The following LUZP2 variants were observed in gnomAD, a reference collection of about 807,000 sequenced individuals.
LUZP2 encodes the protein leucine zipper protein 2.
A neutral mutation model predicts 51.6 loss-of-function variants in LUZP2; 52 were observed. The observed-to-expected ratio is 1.01, with a 90% CI of 0.81 to 1.27. The LOEUF is 1.27. LUZP2 is among the 50% of genes most tolerant of loss of function. The pLI, the probability that LUZP2 is intolerant of heterozygous loss-of-function variation, is 0.00. For synonymous variants in LUZP2, 154 were observed against 137.3 expected (o/e 1.12, Z -0.85); for missense variants, 436 against 395.4 (o/e 1.10, Z -0.87).
At chr11:24,503,081 A>T (rs1850049712) in intron 1 of LUZP2, among the ~76,000 whole-genome samples, 1 of 152,208 alleles carries the variant, frequency 6.6e-6, no homozygotes, top group Admixed American at 6.5e-5. Flanking sequence ...AGGCAGCCCA[A>T]CCATTGTAGT....
At chr11:24,600,174 AACACACACACACACACACACACAC>A (rs61439379) in intron 1 of LUZP2, among the ~76,000 whole-genome samples, 3 of 144,162 alleles carry the variant, frequency 2.1e-5, no homozygotes, top group South Asian at 2.3e-4. Flanking sequence ...TGTAGATTAC[AACACACACACACACACACACACAC>A]ACACACACAC....
chr11:24,577,370 C>T (rs971859137), intron 1 of LUZP2, among the ~76,000 whole-genome samples: 3 of 151,880 alleles, frequency 2.0e-5, no homozygotes, highest in Non-Finnish European at 4.4e-5. Flanking sequence ...TTCAAGGCTG[C>T]GGAATCAGAC....
chr11:24,529,883 T>C (rs1315102858), intron 1 of LUZP2, among the ~76,000 whole-genome samples: 1 of 150,938 alleles, frequency 6.6e-6, no homozygotes, highest in East Asian at 1.9e-4. Flanking sequence ...ATCTAATAGG[T>C]TATATAGGTT....
intron 5 of LUZP2, among the ~76,000 whole-genome samples, chr11:24,824,986 A>G (rs1272063579): frequency 6.6e-6 from 1 of 152,152 alleles, no homozygotes; most frequent in African/African-American, 2.4e-5. Context: ...CTAGTGAAAC[A>G]ATGTTAGATC....
At chr11:24,499,984 AT>A (rs1301954369) in intron 1 of LUZP2, among the ~76,000 whole-genome samples, 1 of 152,150 alleles carries the variant, frequency 6.6e-6, no homozygotes, top group Non-Finnish European at 1.5e-5. Flanking sequence ...TTAAACAGAA[AT>A]TTTTGAATAG....
chr11:24,614,507 G>T (rs142862147), intron 1 of LUZP2, among the ~76,000 whole-genome samples: 13 of 151,922 alleles, frequency 8.6e-5, no homozygotes, highest in Non-Finnish European at 1.5e-5. Context: ...ACATTTCTAC[G>T]TCTGGAAAAT....
At chr11:24,553,210 CAAGA>C (rs1171832176) in intron 1 of LUZP2, among the ~76,000 whole-genome samples, 1 of 151,326 alleles carries the variant, frequency 6.6e-6, no homozygotes, top group African/African-American at 2.4e-5. Context: ...ATTCAAAACA[CAAGA>C]AGGAAGGGGC....
chr11:24,780,021 C>G (rs1053200678), intron 5 of LUZP2, among the ~76,000 whole-genome samples: 4 of 151,998 alleles, frequency 2.6e-5, no homozygotes, highest in African/African-American at 4.8e-5. Flanking sequence ...CAGCTTGCTC[C>G]TGATTCTGGG....
chr11:25,063,240 G>T (rs186528564), intron 10 of LUZP2, among the ~76,000 whole-genome samples: 1 of 151,820 alleles, frequency 6.6e-6, no homozygotes, highest in African/African-American at 2.4e-5. Context: ...ATATGGGAGA[G>T]CATGTGTAGA....
chr11:24,919,609 T>C (rs899242707), intron 7 of LUZP2, among the ~76,000 whole-genome samples: 13 of 147,092 alleles, frequency 8.8e-5, no homozygotes. Flanking sequence ...TTTATGTAGA[T>C]ATACCAAAGG....
intron 5 of LUZP2, among the ~76,000 whole-genome samples, chr11:24,869,053 G>A (rs959930965): frequency 2.0e-5 from 3 of 152,138 alleles, no homozygotes; most frequent in Non-Finnish European, 4.4e-5. Flanking sequence ...CCTCAAAGAA[G>A]GGAGAGATTT....
In LUZP2 at chr11:24,593,213, T is replaced by C. The variant is rs145181055; in HGVS notation, c.62+95908T>C. ...TAGCGCTGTATTTCCATCTTTGATA[T>C]AGCATTTTATTACTCTCTATCTTAT... On this transcript the variant is annotated intron_variant, in intron 1 of 11. Transcript: ENST00000336930. 1.7e-3 allele frequency among the ~76,000 whole-genome samples: 253 copies of C among 152,312 alleles called. 2 individuals carry two copies. The highest frequency in any genetic ancestry group is 5.4e-3 in the African/African-American group (224 of 41,556).
At chr11:24,829,287 G>C (rs1850628598) in intron 5 of LUZP2, among the ~76,000 whole-genome samples, 1 of 152,078 alleles carries the variant, frequency 6.6e-6, no homozygotes, top group South Asian at 2.1e-4. Context: ...GTGGGCAGGG[G>C]TCATTACAAA....
chr11:24,813,484 A>G (rs904820366), intron 5 of LUZP2, among the ~76,000 whole-genome samples: 1 of 152,180 alleles, frequency 6.6e-6, no homozygotes, highest in Non-Finnish European at 1.5e-5. Flanking sequence ...GCAAGAATGG[A>G]GCAAGAGAGA....
intron 5 of LUZP2, among the ~76,000 whole-genome samples, chr11:24,855,065 G>T (rs184518889): frequency 6.6e-6 from 1 of 152,248 alleles, no homozygotes; most frequent in African/African-American, 2.4e-5. Flanking sequence ...GACTGGAGCT[G>T]TTCCTATTTG....
intron 9 of LUZP2, among the ~76,000 whole-genome samples, chr11:25,018,043 T>TTTTTTTGTTTTG (rs140118006): frequency 0.041 from 1,268 of 30,668 alleles, 17 homozygotes; most frequent in Middle Eastern, 0.12. Flanking sequence ...TTCTGTTTTT[T>TTTTTTTGTTTTG]TTTTGTTTTT....
Position 24,723,769 on chromosome 11 carries a change from T to G in LUZP2, c.63-5400T>G, listed in dbSNP as rs189410023. Among the ~76,000 whole-genome samples the G allele has an allele frequency of 2.0e-5, 3 of 151,984 alleles. No homozygotes were observed. The South Asian group carries it at 6.2e-4, about 32-fold the overall frequency. ...TGGCTTGTGATCAGGAGTTCGAGGCTGCAGTGAGCTATGATTACACCATTG... is the reference window on the plus strand; with the variant it reads ...TGGCTTGTGATCAGGAGTTCGAGGCGGCAGTGAGCTATGATTACACCATTG... On this transcript the variant is annotated intron_variant, in intron 1 of 11. Transcript: ENST00000336930.
intron 9 of LUZP2, among the ~76,000 whole-genome samples, chr11:24,991,438 A>G (rs1237225981): frequency 6.7e-6 from 1 of 148,816 alleles, no homozygotes; most frequent in Non-Finnish European, 1.5e-5. Flanking sequence ...ATATATACAT[A>G]TATCTCTCAC....
At chr11:24,904,578 C>A (rs543240323) in intron 5 of LUZP2, among the ~76,000 whole-genome samples, 1 of 152,030 alleles carries the variant, frequency 6.6e-6, no homozygotes, top group Non-Finnish European at 1.5e-5. Flanking sequence ...CCACCACGCC[C>A]GACCTATTTT....
Sources: gnomAD v4.1 joint callset for allele counts (sites outside exome capture counted in the v4.1 genomes callset) on GRCh38, gnomAD v4.1.1 for gene constraint, MANE v1.5 for transcripts, NCBI Gene and HGNC (gene_info 2026-07-23, HGNC 2026-07-21) for gene names.